The following PLSCR2 variants were observed in gnomAD, a reference collection of about 807,000 sequenced individuals.
PLSCR2 encodes PL scramblase 2.
Under a neutral mutation model 25.3 loss-of-function variants are expected in PLSCR2, and 18 were observed. The ratio of observed to expected loss-of-function variants is 0.71; its 90% CI spans 0.49 to 1.06. PLSCR2 has a LOEUF of 1.06. Ranked by LOEUF, PLSCR2 falls within the 50% of genes least tolerant of loss-of-function variation. PLSCR2 has a pLI of 0.00. For synonymous variants in PLSCR2, 88 were observed against 87.3 expected (o/e 1.01, Z -0.04); for missense variants, 243 against 269.5 (o/e 0.90, Z 0.69).
At chr3:146,461,344 C>A (rs1017991622), upstream of PLSCR2, among the ~76,000 whole-genome samples, 23 of 152,108 alleles carry the variant, frequency 1.5e-4, no homozygotes, top group African/African-American at 5.6e-4. Context: ...TACTAATGCA[C>A]TGTAAATATA....
At chr3:146,425,039 TAAGG>T (rs2039293833) in intron 2 of PLSCR2, among the ~76,000 whole-genome samples, 1 of 41,482 alleles carries the variant, frequency 2.4e-5, no homozygotes, top group African/African-American at 7.1e-5. Flanking sequence ...CATGAAATTA[TAAGG>T]AAGGAAAAAT....
downstream of PLSCR2, among the ~76,000 whole-genome samples, chr3:146,433,136 G>A (rs1430174854): frequency 2.6e-5 from 4 of 151,938 alleles, no homozygotes; most frequent in East Asian, 7.7e-4. Flanking sequence ...GCAATCTGTT[G>A]TTCTGGTGCC....
At chr3:146,471,911 AAGGTTGCTTTCACCAC>A (rs2042133252) in intron 1 of PLSCR2, among the ~76,000 whole-genome samples, 1 of 152,082 alleles carries the variant, frequency 6.6e-6, no homozygotes, top group Admixed American at 6.5e-5. Flanking sequence ...AAACTTATTT[AAGGTTGCTTTCACCAC>A]ACAGAAATTT....
intron 2 of PLSCR2, among the ~76,000 whole-genome samples, chr3:146,427,867 G>C (rs1434613843): frequency 1.3e-5 from 2 of 152,040 alleles, no homozygotes; most frequent in Non-Finnish European, 2.9e-5. Flanking sequence ...ATAGCCCAGA[G>C]CAATATCTTT....
intron 6 of PLSCR2, among the ~76,000 whole-genome samples, chr3:146,446,404 C>T (rs1406126082): frequency 1.2e-4 from 18 of 152,142 alleles, no homozygotes. Context: ...TGCTGTGGCT[C>T]TTGGAGACTC....
At chr3:146,411,557 A>G (rs2038851580) in intron 2 of PLSCR2, among the ~76,000 whole-genome samples, 1 of 152,250 alleles carries the variant, frequency 6.6e-6, no homozygotes, top group African/African-American at 2.4e-5. Flanking sequence ...AGCCTGGAGC[A>G]AGACCGGCTC....
rs2042078884 is a variant in PLSCR2, at chr3:146,470,576, CAA to C, written c.-292-10294_-292-10293del. ...AAACAAACAAAAACACATGATCTTCCAAACAATAACACCATATATGGAGAAAA... is the reference window on the plus strand; with the variant it reads ...AAACAAACAAAAACACATGATCTTCCACAATAACACCATATATGGAGAAAA... On this transcript the variant is annotated intron_variant, in intron 1 of 8. Coordinates refer to the PLSCR2 transcript ENST00000336685. Among the ~76,000 whole-genome samples, 6 of 152,044 alleles carry C rather than the reference CAA, an allele frequency of 3.9e-5. No individual in the cohort carries two copies. In the South Asian group the frequency reaches 1.2e-3, roughly 32 times the overall value.
At chr3:146,427,447 A>G (rs2039395157) in intron 2 of PLSCR2, among the ~76,000 whole-genome samples, 1 of 152,126 alleles carries the variant, frequency 6.6e-6, no homozygotes, top group South Asian at 2.1e-4. Flanking sequence ...GAGAAAGAGC[A>G]TGGATAAGAT....
chr3:146,489,362 G>A (rs2043462276), intron 1 of PLSCR2, among the ~76,000 whole-genome samples: 1 of 151,982 alleles, frequency 6.6e-6, no homozygotes, highest in African/African-American at 2.4e-5. Flanking sequence ...GTGGGGAAAC[G>A]TTATTTCTTT....
chr3:146,450,127 C>G (rs1288864791), intron 5 of PLSCR2, among the ~76,000 whole-genome samples: 1 of 152,146 alleles, frequency 6.6e-6, no homozygotes, highest in African/African-American at 2.4e-5. Flanking sequence ...AAACACCTCA[C>G]CAGATGGGCA....
chr3:146,455,199 T>G (rs1319434496), intron 4 of PLSCR2, 40 bp downstream of exon 4: 1 of 1,334,102 alleles, frequency 7.5e-7, no homozygotes, highest in African/African-American at 1.4e-5. Flanking sequence ...AAATCCTTGC[T>G]GAACTACTTT....
At chr3:146,433,264 A>G (rs868518844), downstream of PLSCR2, 1 of 152,158 alleles carries the variant, frequency 6.6e-6, no homozygotes, top group African/African-American at 2.4e-5. Flanking sequence ...ATTCTCTCAA[A>G]TCTCACTAAA....
chr3:146,462,108 A>T (rs1230678981), upstream of PLSCR2, among the ~76,000 whole-genome samples: 1 of 152,144 alleles, frequency 6.6e-6, no homozygotes, highest in African/African-American at 2.4e-5. Flanking sequence ...ATACATTTGT[A>T]GGTCCAATAC....
downstream of PLSCR2, among the ~76,000 whole-genome samples, chr3:146,431,766 T>C (rs1576609270): frequency 6.6e-6 from 1 of 151,590 alleles, no homozygotes; most frequent in African/African-American, 2.4e-5. Flanking sequence ...CAAAGGTAAC[T>C]ATACAACATA....
At chr3:146,470,434 A>T (rs1474661207) in intron 1 of PLSCR2, among the ~76,000 whole-genome samples, 4 of 152,024 alleles carry the variant, frequency 2.6e-5, no homozygotes, top group Admixed American at 2.6e-4. Context: ...AATCCCATCT[A>T]CTGGGGAGGC....
At chr3:146,437,203 C>T (rs1055658296), downstream of PLSCR2, among the ~76,000 whole-genome samples, 5 of 151,820 alleles carry the variant, frequency 3.3e-5, no homozygotes, top group African/African-American at 4.8e-5. Flanking sequence ...GATTTTTGCA[C>T]TGATGTTCAT....
intron 2 of PLSCR2, among the ~76,000 whole-genome samples, chr3:146,404,138 C>A (rs2038570678): frequency 1.3e-5 from 2 of 152,260 alleles, no homozygotes; most frequent in South Asian, 4.1e-4. Context: ...GGATAAGAAC[C>A]CCTTTCCCTC....
intron 5 of PLSCR2, among the ~76,000 whole-genome samples, chr3:146,452,051 A>C (rs756888605): frequency 4.6e-5 from 7 of 152,220 alleles, no homozygotes; most frequent in Non-Finnish European, 1.0e-4. Context: ...CTTTATAGCT[A>C]GTTGGTTAGA....
In PLSCR2 at chr3:146,493,782, C is replaced by CTT. The variant is rs1560066124; in HGVS notation, c.-293+2112_-293+2113insAA. Among the ~76,000 whole-genome samples the CTT allele has an allele frequency of 3.7e-4, 19 of 51,934 alleles. No individual in the cohort carries two copies. The East Asian group carries it at 5.5e-3, about 15-fold the overall frequency. The allele number at this position is 51,934 out of a possible 152,430, so 34.1% of individuals were successfully genotyped here. On this transcript the variant is annotated intron_variant, in intron 1 of 8. Coordinates refer to the PLSCR2 transcript ENST00000336685. ...CTTTCTGTTTTTCAGTCCAAGGTGG[C>CTT]GTTTTTTTTTTTTTTTTTTTTTTTT... is the stretch of plus-strand genomic sequence containing the variant.
Sources: allele counts gnomAD v4.1 joint callset (sites outside exome capture counted in the v4.1 genomes callset), GRCh38; gene constraint gnomAD v4.1.1; transcripts MANE v1.5; gene names NCBI Gene and HGNC (gene_info 2026-07-23, HGNC 2026-07-21).